ADD3: variants seen among roughly 807,000 people sequenced by gnomAD.
ADD3 encodes gamma-adducin.
In ADD3, 25 loss-of-function variants were observed where a neutral mutation model predicts 80.2. The observed-to-expected ratio is 0.31, with a 90% CI of 0.23 to 0.44. The LOEUF (loss-of-function observed/expected upper bound fraction) is 0.44. Among genes scored for constraint, ADD3 ranks in the 20% least tolerant of loss-of-function variants. The pLI is 1.00. For missense variants in ADD3, 829 were observed against 847.5 expected (o/e 0.98, Z 0.27); for synonymous variants, 284 against 289.6 (o/e 0.98, Z 0.20).
chr10:110,058,995 A>G (rs554640521), intron 1 of ADD3, among the ~76,000 whole-genome samples: 14 of 152,228 alleles, frequency 9.2e-5, no homozygotes, highest in Non-Finnish European at 1.6e-4. Context: ...TAATTTATAA[A>G]TCACTTAAAA....
chr10:110,103,947 C>A (rs1446517316), intron 2 of ADD3, among the ~76,000 whole-genome samples: 1 of 152,164 alleles, frequency 6.6e-6, no homozygotes, highest in Non-Finnish European at 1.5e-5. Context: ...AAAATACACT[C>A]TTCTTCTCCT....
At chr10:110,033,672 T>G (rs891183190) in intron 1 of ADD3, among the ~76,000 whole-genome samples, 2 of 152,214 alleles carry the variant, frequency 1.3e-5, no homozygotes, top group Non-Finnish European at 2.9e-5. Context: ...TTCTCATAAG[T>G]GCTATATTAA....
intron 1 of ADD3, among the ~76,000 whole-genome samples, chr10:110,082,199 T>C (rs1179399500): frequency 6.6e-6 from 1 of 151,654 alleles, no homozygotes; most frequent in Admixed American, 6.6e-5. Flanking sequence ...ACAAGTGTCA[T>C]GACTAAGCCA....
At chr10:110,094,465 TAAG>T (rs1847924399) in intron 1 of ADD3, among the ~76,000 whole-genome samples, 2 of 152,214 alleles carry the variant, frequency 1.3e-5, no homozygotes, top group South Asian at 4.1e-4. Flanking sequence ...CTTTTAGGAA[TAAG>T]AGCCTAGTGC....
rs2133672751 is a variant in ADD3, at chr10:109,999,974, C to T, written n.79+3528C>T. ...TCAATGTGACACCCAGGCTGGAATA[C>T]AATGGTGCGATCTCGGCTCACTGCA... is the stretch of plus-strand genomic sequence containing the variant. On this transcript the variant is annotated intron_variant and non_coding_transcript_variant, in intron 1 of 5. Transcript: ENST00000468251. 2.8e-5 allele frequency among the ~76,000 whole-genome samples: 4 copies of T among 142,182 alleles called. 1 individual carries two copies. The South Asian group carries it at 9.6e-4, about 34-fold the overall frequency. The allele number at this position is 142,182 out of a possible 152,430, so 93.3% of individuals were successfully genotyped here.
intron 1 of ADD3, among the ~76,000 whole-genome samples, chr10:110,043,815 C>T (rs1856627614): frequency 6.6e-6 from 1 of 152,092 alleles, no homozygotes. Context: ...GGTTAAATAA[C>T]TACAGTAAAA....
intron 6 of ADD3, 56 bp from the exon 7 acceptor site, chr10:110,119,155 A>G (rs1851149947): frequency 3.1e-6 from 5 of 1,591,322 alleles, no homozygotes; most frequent in Non-Finnish European, 4.3e-6. Context: ...TCAGGTTCCT[A>G]TGAAAATGTA....
chr10:110,083,574 C>CT (rs776509247), intron 1 of ADD3, among the ~76,000 whole-genome samples: 12 of 151,676 alleles, frequency 7.9e-5, no homozygotes, highest in South Asian at 4.2e-4. Flanking sequence ...TCGGGGATGG[C>CT]TTTTTTTTAG....
intron 1 of ADD3, among the ~76,000 whole-genome samples, chr10:110,061,072 C>T (rs943755467): frequency 3.9e-5 from 6 of 152,150 alleles, no homozygotes; most frequent in Non-Finnish European, 7.4e-5. Flanking sequence ...CTATGTTGTC[C>T]CTCTCATTGT....
At chr10:110,054,018 A>C (rs1394293364) in intron 1 of ADD3, among the ~76,000 whole-genome samples, 1 of 152,210 alleles carries the variant, frequency 6.6e-6, no homozygotes, top group Non-Finnish European at 1.5e-5. Flanking sequence ...TTGAAGAATG[A>C]GGTCATTTGA....
chr10:110,004,503 G>T (rs1258541082), upstream of ADD3, among the ~76,000 whole-genome samples: 1 of 151,812 alleles, frequency 6.6e-6, no homozygotes, highest in East Asian at 2.0e-4. Flanking sequence ...TAGAGACAGG[G>T]TTTCACCATG....
chr10:110,008,827 A>G (rs1039540050), intron 1 of ADD3, among the ~76,000 whole-genome samples: 2 of 152,166 alleles, frequency 1.3e-5, no homozygotes, highest in Non-Finnish European at 2.9e-5. Flanking sequence ...CCTTTCTCCT[A>G]TAATCCGCTT....
chr10:110,051,866 G>A (rs372989790), intron 1 of ADD3, among the ~76,000 whole-genome samples: 25 of 152,240 alleles, frequency 1.6e-4, no homozygotes, highest in Middle Eastern at 3.4e-3. Flanking sequence ...GTAGTGGCAC[G>A]AACATGGCTC....
chr10:110,031,585 C>T (rs1347741559), intron 1 of ADD3, among the ~76,000 whole-genome samples: 1 of 151,948 alleles, frequency 6.6e-6, no homozygotes, highest in African/African-American at 2.4e-5. Context: ...AAGCGGAGTA[C>T]TGTTTATAAA....
At chr10:110,066,676 C>CTA (rs1025339253) in intron 1 of ADD3, among the ~76,000 whole-genome samples, 55 of 151,918 alleles carry the variant, frequency 3.6e-4, no homozygotes, top group African/African-American at 1.3e-3. Flanking sequence ...TTTTAGAAGT[C>CTA]TGTTACAGGC....
At chr10:110,126,383 C>T (rs1178915389) in intron 11 of ADD3, 34 bp from the exon 12 acceptor site, 7 of 1,562,752 alleles carry the variant, frequency 4.5e-6, no homozygotes, top group Non-Finnish European at 6.2e-6. Context: ...TAGTTGCCCT[C>T]AAGAACTTTA....
In ADD3 at chr10:110,116,400, C is replaced by G; in HGVS notation, c.476C>G (p.Thr159Ser). ...DLFGWAHLANTYISVRISKEQ... is the reference protein window; with the variant it reads ...DLFGWAHLANSYISVRISKEQ... The stretch of plus-strand genomic sequence containing the variant: ...TTTGGATGGGCACACCTGGCAAATA[C>G]CTATATCTCAGTGAGTTCTTCAGCT... The change falls in exon 4 of 15, where the codon ACC becomes AGC. Residue 159 changes from threonine (T) to serine (S), a missense_variant. Thr to Ser is a moderately conservative substitution (Grantham distance 58). Coordinates refer to ENST00000356080, the MANE Select transcript of ADD3 (RefSeq NM_016824.5). 6.2e-7 allele frequency: 1 copy of G among 1,613,792 alleles called. No homozygotes were observed. Among genetic ancestry groups the G allele is most frequent in the Middle Eastern group, 1.7e-4 (1 of 6,058 alleles).
At chr10:110,084,751 C>T (rs1248069088) in intron 1 of ADD3, among the ~76,000 whole-genome samples, 1 of 152,174 alleles carries the variant, frequency 6.6e-6, no homozygotes, top group African/African-American at 2.4e-5. Context: ...AACAACTCCT[C>T]TTGTTGGAAG....
In ADD3 at chr10:110,118,721, C is replaced by T; in HGVS notation, c.702C>T (p.Thr234=). ...TTAAGTGTGTGATACACATCCATAC[C>T]CTTGCAACAGCAGCTGTAAGTCAAT... ...PDVKCVIHIH[T]LATAAVSSMK... is the part of the protein sequence containing the mutation. Residue 234 remains threonine, a synonymous_variant, in exon 6 of 15, where the codon ACC becomes ACT. Coordinates refer to ENST00000356080, the MANE Select transcript of ADD3 (RefSeq NM_016824.5). 1 of 1,613,824 alleles carries T rather than the reference C, an allele frequency of 6.2e-7. No homozygotes were observed. Among genetic ancestry groups the T allele is most frequent in the East Asian group, 2.2e-5 (1 of 44,854 alleles).
Sources: gnomAD v4.1 joint callset for allele counts (sites outside exome capture counted in the v4.1 genomes callset) on GRCh38, gnomAD v4.1.1 for gene constraint, MANE v1.5 for transcripts, NCBI Gene and HGNC (gene_info 2026-07-23, HGNC 2026-07-21) for gene names.